Variants in STX4 observed in about 807,000 individuals in gnomAD.
STX4 encodes the protein syntaxin-4.
A neutral mutation model predicts 41.8 loss-of-function variants in STX4; 24 were observed. The ratio of observed to expected loss-of-function variants is 0.57; its 90% CI spans 0.42 to 0.81. The LOEUF is 0.81. Ranked by LOEUF, STX4 falls within the 30% of genes least tolerant of loss-of-function variation. The pLI, the probability that STX4 is intolerant of heterozygous loss-of-function variation, is 0.00. For missense variants in STX4, 316 were observed against 389.9 expected (o/e 0.81, Z 1.60); for synonymous variants, 158 against 156.4 (o/e 1.01, Z -0.08).
At chr16:31,036,964 C>G (rs1465944773) in intron 5 of STX4, among the ~76,000 whole-genome samples, 1 of 151,554 alleles carries the variant, frequency 6.6e-6, no homozygotes, top group African/African-American at 2.4e-5. Flanking sequence ...GGCACCGTGG[C>G]TCACGCCTGT....
At chr16:31,033,375 C>G (rs1418391201), upstream of STX4, 1 of 1,013,022 alleles carries the variant, frequency 9.9e-7, no homozygotes, top group African/African-American at 1.6e-5. The surrounding 1 kb of genome is among the most constrained non-coding windows in gnomAD (Gnocchi z 5.5). Flanking sequence ...TATTCCTACC[C>G]CTTTTGGCAA....
In STX4 at chr16:31,034,329, A is replaced by T. The variant is rs922762463; in HGVS notation, c.232+4A>T. 7 of 1,613,932 alleles carry T rather than the reference A, an allele frequency of 4.3e-6. No individual in the cohort carries two copies. The highest frequency in any genetic ancestry group is 1.3e-5 in the African/African-American group (1 of 74,918). On this transcript the variant is annotated splice_donor_region_variant and intron_variant, in intron 3 of 10. Coordinates refer to ENST00000313843, the MANE Select transcript of STX4 (RefSeq NM_004604.5). ...GCCACGCCCCTTCCCGAGGAGAGTG[A>T]GTGAAACCCCGGCTGCAGGGCGCAT...
Position 31,034,339 on chromosome 16 carries a change from C to G in STX4, c.232+14C>G. 1 of 1,613,912 alleles carries G rather than the reference C, an allele frequency of 6.2e-7. No homozygotes were observed. The highest frequency in any genetic ancestry group is 8.5e-7 in the Non-Finnish European group (1 of 1,179,896). On this transcript the variant is annotated intron_variant, in intron 3 of 10. Transcript: ENST00000313843. ...TTCCCGAGGAGAGTGAGTGAAACCC[C>G]GGCTGCAGGGCGCATGCTCCGCCCC...
rs998923931 is a variant in STX4, at chr16:31,034,951, C to T, written c.308-19C>T. On this transcript the variant is annotated intron_variant, in intron 4 of 10. Transcript: ENST00000313843. ...CCTATGGAGACAAGTACCCCCAATA[C>T]CCCTGTGTCTTCCCACAGCCATAGA... 1 of 1,582,036 alleles carries T rather than the reference C, an allele frequency of 6.3e-7. No homozygotes were observed. Among genetic ancestry groups the T allele is most frequent in the Non-Finnish European group, 8.6e-7 (1 of 1,168,590 alleles).
chr16:31,035,528 G>A (rs1446713766), intron 5 of STX4, among the ~76,000 whole-genome samples: 1 of 152,088 alleles, frequency 6.6e-6, no homozygotes, highest in African/African-American at 2.4e-5. Flanking sequence ...GCCCAGCTGG[G>A]ACACATGTTT....
rs777322966 is a variant in STX4 at position 31,038,644 on chromosome 16, G to A, written c.699G>A (p.Met233Ile). Reference sequence around the variant, plus strand: ...CTTTTCTGGCTACCGAAGTGGAGATGCAGGTGGGTGCCCCGCGCAGCCCCA... The same window carrying A: ...CTTTTCTGGCTACCGAAGTGGAGATACAGGTGGGTGCCCCGCGCAGCCCCA... The part of the protein sequence containing the change: ...IFTFLATEVE[M>I]QGEMINRIEK... The change falls in exon 8 of 11, where the codon ATG becomes ATA. Residue 233 changes from methionine to isoleucine, a missense_variant. Coordinates refer to ENST00000313843, the MANE Select transcript of STX4 (RefSeq NM_004604.5). 1.9e-5 allele frequency: 31 copies of A among 1,612,476 alleles called. No homozygotes were observed. The highest frequency in any genetic ancestry group is 2.2e-5 in the Non-Finnish European group (26 of 1,179,484).
rs2056832248 is a variant in STX4, at chr16:31,040,058, A to G, written c.*162A>G. 6 of 558,550 alleles carry G rather than the reference A, an allele frequency of 1.1e-5. No individual in the cohort carries two copies. Among genetic ancestry groups the G allele is most frequent in the South Asian group, 6.2e-5 (3 of 48,520 alleles). The allele number at this position is 558,550 out of a possible 1,614,324, so 34.6% of individuals were successfully genotyped here. A position where few individuals can be genotyped will look rare whatever the true frequency, so the allele number is the denominator to read the frequency against. On this transcript the variant is annotated 3_prime_UTR_variant, in exon 11 of 11. Transcript: ENST00000313843. ...TTCTGGGGTTGGCAGCTGCTCATTC[A>G]TGATGGCCTCCTCCTTCAGGCCTCA... is the stretch of plus-strand genomic sequence containing the variant.
chr16:31,037,887 T>A, intron 5 of STX4, 39 bp from the exon 6 acceptor site: 1 of 1,611,190 alleles, frequency 6.2e-7, no homozygotes, highest in African/African-American at 1.3e-5. Context: ...CGGGCAGGGA[T>A]CCTCCCAGGG....
At chr16:31,038,405 A>G (rs1349689583) in intron 7 of STX4, 105 bp from the exon 8 acceptor site, 6 of 1,495,020 alleles carry the variant, frequency 4.0e-6, no homozygotes, top group African/African-American at 1.4e-5. Context: ...GCCTGGAGTC[A>G]CCCATCAGAT....
chr16:31,034,582 CTGT>C, intron 4 of STX4, 46 bp downstream of exon 4: 6 of 1,506,918 alleles, frequency 4.0e-6, no homozygotes, highest in African/African-American at 1.4e-5. Flanking sequence ...TGATCCTGCC[CTGT>C]TGTTGGTATA....
In STX4 at chr16:31,040,150, CAA is replaced by C; in HGVS notation, c.*260_*261del. The C allele has an allele frequency of 3.6e-6, 1 of 275,580 alleles. No homozygotes were observed. The highest frequency in any genetic ancestry group is 5.6e-5 in the South Asian group (1 of 17,832). The allele number at this position is 275,580 out of a possible 1,614,324, so 17.1% of individuals were successfully genotyped here. A position where few individuals can be genotyped will look rare whatever the true frequency, so the allele number is the denominator to read the frequency against. ...CACGGTTTTGTAAAAAATTAAAAAACAAAAAAAGAGCATAGAAAGCCCTGTGC... is the reference window on the plus strand; with the variant it reads ...CACGGTTTTGTAAAAAATTAAAAAACAAAAAGAGCATAGAAAGCCCTGTGC... On this transcript the variant is annotated 3_prime_UTR_variant, in exon 11 of 11. Coordinates refer to ENST00000313843, the MANE Select transcript of STX4 (RefSeq NM_004604.5).
chr16:31,037,710 T>A (rs751650416), intron 5 of STX4, among the ~76,000 whole-genome samples: 3 of 150,674 alleles, frequency 2.0e-5, no homozygotes, highest in African/African-American at 4.9e-5. Flanking sequence ...AATAAATAAA[T>A]AAAAAAGATC....
upstream of STX4, chr16:31,033,187 G>A (rs1447203341): frequency 6.7e-6 from 4 of 598,748 alleles, no homozygotes; most frequent in South Asian, 1.5e-5. The surrounding 1 kb of genome is among the most constrained non-coding windows in gnomAD (Gnocchi z 5.5). Context: ...TTGGGGTGCC[G>A]GGGACGTCGT....
At position 31,034,463 on chromosome 16, in the gene STX4, C is replaced by G. The variant is rs1289102779; in HGVS notation, c.234C>G (p.Ser78Arg). The G allele has an allele frequency of 1.9e-6, 3 of 1,602,576 alleles. No homozygotes were observed. Among genetic ancestry groups the G allele is most frequent in the Non-Finnish European group, 2.6e-6 (3 of 1,172,920 alleles). Residue 78 changes from serine to arginine, a missense_variant and splice_region_variant, in exon 4 of 11, where the codon AGC (serine) becomes AGG (arginine). Transcript: ENST00000313843. Reference sequence around the variant, plus strand: ...GAGTCTTGGCCTTCTCTTATTCAGGCATGAAGCAGGAGCTGCAGAACCTGC... The same window carrying G: ...GAGTCTTGGCCTTCTCTTATTCAGGGATGAAGCAGGAGCTGCAGAACCTGC... ...TILATPLPEE[S>R]MKQELQNLRD... is the part of the protein sequence containing the mutation.
chr16:31,036,918 G>A (rs968542048), intron 5 of STX4, among the ~76,000 whole-genome samples: 3 of 152,004 alleles, frequency 2.0e-5, no homozygotes, highest in African/African-American at 7.2e-5. Flanking sequence ...GATCAGAGAG[G>A]TCATGGGAGA....
chr16:31,039,448 T>A lies in STX4; in HGVS notation c.703-93T>A, dbSNP rs1273194151. On this transcript the variant is annotated intron_variant, in intron 8 of 10. Coordinates refer to ENST00000313843, the MANE Select transcript of STX4 (RefSeq NM_004604.5). This position sits in a 1 kb window ranked among gnomAD's most constrained non-coding sequence, Gnocchi z 4.1. ...CTTGCCCTTGTCTTTGTTAGTGCAA[T>A]TTTTTTTTCCTGCCAGGAATGTTCT... 1 of 1,268,192 alleles carries A rather than the reference T, an allele frequency of 7.9e-7. No homozygotes were observed. 78.6% of individuals were successfully genotyped at this position (1,268,192 alleles called of 1,614,324 possible). A position where few individuals can be genotyped will look rare whatever the true frequency, so the allele number is the denominator to read the frequency against.
chr16:31,038,960 A>C, intron 8 of STX4: 1 of 333,740 alleles, frequency 3.0e-6, no homozygotes. Context: ...GTCCAGTCAG[A>C]GTTGCCCTAG....
intron 7 of STX4, 138 bp downstream of exon 7, chr16:31,038,328 C>T (rs368432064): frequency 1.5e-6 from 2 of 1,328,034 alleles, no homozygotes; most frequent in African/African-American, 2.9e-5. Flanking sequence ...CAAGCCACTG[C>T]ACCCCGCTTG....
rs2056787314 is a variant in STX4 at position 31,034,825 on chromosome 16, A to G, written c.308-145A>G. Reference sequence around the variant, plus strand: ...TTTGTTAGGTGGCCTCTGCATACCTATGGGAACTCAGTGATGTAATGCAAA... The same window carrying G: ...TTTGTTAGGTGGCCTCTGCATACCTGTGGGAACTCAGTGATGTAATGCAAA... On this transcript the variant is annotated intron_variant, in intron 4 of 10. Coordinates refer to ENST00000313843, the MANE Select transcript of STX4 (RefSeq NM_004604.5). The G allele has an allele frequency of 3.7e-6, 3 of 812,552 alleles. No homozygotes were observed. The South Asian group carries it at 6.2e-5, about 17-fold the overall frequency. The allele number at this position is 812,552 out of a possible 1,614,324, so 50.3% of individuals were successfully genotyped here.
Sources: gnomAD v4.1 joint callset for allele counts (sites outside exome capture counted in the v4.1 genomes callset) on GRCh38, gnomAD v4.1.1 for gene constraint, Gnocchi (gnomAD v3.1) non-coding constraint, MANE v1.5 for transcripts, NCBI Gene and HGNC (gene_info 2026-07-23, HGNC 2026-07-21) for gene names.